SAE1: variants seen among roughly 807,000 people sequenced by gnomAD.
SAE1 encodes SUMO-activating enzyme subunit 1.
A neutral mutation model predicts 40.6 loss-of-function variants in SAE1; 11 were observed. The ratio of observed to expected loss-of-function variants is 0.27; its 90% CI spans 0.17 to 0.45. The LOEUF is 0.45. Ranked by LOEUF, SAE1 falls within the 20% of genes least tolerant of loss-of-function variation. The pLI, the probability that SAE1 is intolerant of heterozygous loss-of-function variation, is 1.00. For missense variants in SAE1, 373 were observed against 427.3 expected, an observed-to-expected ratio of 0.87 and a Z score of 1.12; for synonymous variants, 155 against 154.3, an observed-to-expected ratio of 1.00 and a Z score of -0.03.
At chr19:47,151,691 T>G (rs2123210297) in intron 3 of SAE1, among the ~76,000 whole-genome samples, 1 of 152,336 alleles carries the variant, frequency 6.6e-6, no homozygotes, top group African/African-American at 2.4e-5. Flanking sequence ...TTTTTCCTAG[T>G]CCCTTCTATT....
chr19:47,197,068 C>T (rs543709554), intron 6 of SAE1, among the ~76,000 whole-genome samples, 165 bp from the exon 7 acceptor site: 1 of 151,896 alleles, frequency 6.6e-6, no homozygotes, highest in South Asian at 2.1e-4. Context: ...GTAGTCCTAG[C>T]TACTCAGGAG....
chr19:47,165,250 C>T (rs557311020), intron 5 of SAE1, among the ~76,000 whole-genome samples: 163 of 150,964 alleles, frequency 1.1e-3, no homozygotes, highest in Middle Eastern at 6.8e-3. Context: ...CCACCATGTC[C>T]GGCTAATTTT....
At chr19:47,192,527 A>T (rs2058585626) in intron 6 of SAE1, among the ~76,000 whole-genome samples, 1 of 150,930 alleles carries the variant, frequency 6.6e-6, no homozygotes, top group African/African-American at 2.4e-5. Context: ...GATTACAGGC[A>T]TCAGCCACCA....
chr19:47,145,128 G>C (rs564228738), intron 2 of SAE1, among the ~76,000 whole-genome samples: 47 of 151,512 alleles, frequency 3.1e-4, no homozygotes, highest in Admixed American at 2.6e-3. Flanking sequence ...TCAATCTCCC[G>C]AGTAGCTGGG....
At chr19:47,139,533 G>A (rs2058204613) in intron 1 of SAE1, among the ~76,000 whole-genome samples, 1 of 151,788 alleles carries the variant, frequency 6.6e-6, no homozygotes, top group African/African-American at 2.4e-5. Flanking sequence ...GACTAGAGTG[G>A]TGTTTGTGGA....
Position 47,210,410 on chromosome 19 carries a change from A to C in SAE1, c.*1159A>C, listed in dbSNP as rs2058708006. 1 of 152,176 alleles carries C rather than the reference A, an allele frequency of 6.6e-6. No individual in the cohort carries two copies. The highest frequency in any genetic ancestry group is 2.4e-5 in the African/African-American group (1 of 41,448). The allele number at this position is 152,176 out of a possible 1,614,324, so 9.4% of individuals were successfully genotyped here. On this transcript the variant is annotated 3_prime_UTR_variant, in exon 9 of 9. Transcript: ENST00000270225. ...AGTTGTCTAATGGATAATTCAGCTA[A>C]ATAGTGGCTATTTTCAGTGGCAAGA...
At chr19:47,185,130 A>G (rs1241598143) in intron 6 of SAE1, among the ~76,000 whole-genome samples, 6 of 152,080 alleles carry the variant, frequency 3.9e-5, no homozygotes, top group African/African-American at 1.4e-4. Context: ...CGGCCATTAT[A>G]TGCTTTTTAA....
At chr19:47,143,934 A>C (rs1451955886) in intron 2 of SAE1, among the ~76,000 whole-genome samples, 2 of 152,168 alleles carry the variant, frequency 1.3e-5, no homozygotes, top group Admixed American at 6.6e-5. Context: ...GACCTGAGTG[A>C]CTAACTGAAA....
intron 5 of SAE1, among the ~76,000 whole-genome samples, chr19:47,169,483 T>C (rs1349172293): frequency 1.3e-5 from 2 of 152,156 alleles, no homozygotes; most frequent in African/African-American, 2.4e-5. Flanking sequence ...TGACCTCATG[T>C]GATCCGCCTG....
intron 5 of SAE1, among the ~76,000 whole-genome samples, chr19:47,155,675 C>G (rs985881018): frequency 2.0e-5 from 3 of 151,472 alleles, no homozygotes; most frequent in African/African-American, 7.3e-5. Context: ...CTCCTGACCT[C>G]AGGTGATCCA....
intron 3 of SAE1, among the ~76,000 whole-genome samples, chr19:47,152,555 G>T (rs1484225083): frequency 1.3e-5 from 2 of 152,200 alleles, no homozygotes; most frequent in African/African-American, 4.8e-5. Flanking sequence ...AGATTTAGCA[G>T]TATAGAAACA....
chr19:47,158,815 G>A (rs1479649777), intron 5 of SAE1, among the ~76,000 whole-genome samples: 2 of 152,212 alleles, frequency 1.3e-5, no homozygotes, highest in Non-Finnish European at 2.9e-5. Context: ...CACAGCTGTG[G>A]AAGAAGGGGC....
At chr19:47,169,021 TC>T (rs2058414263) in intron 5 of SAE1, among the ~76,000 whole-genome samples, 1 of 152,240 alleles carries the variant, frequency 6.6e-6, no homozygotes, top group Non-Finnish European at 1.5e-5. Context: ...CAAATGCTGT[TC>T]CTGTTTCCAC....
rs535899507 is a variant in SAE1 at position 47,205,119 on chromosome 19, C to T, written c.948+1379C>T. On this transcript the variant is annotated intron_variant, in intron 8 of 8. Coordinates refer to ENST00000270225, the MANE Select transcript of SAE1 (RefSeq NM_005500.3). ...CCTTTTGCAGGTTCTTGGCTGCCTT[C>T]GTGGACTCCGGTGAGGCTTTTTCCT... 4.4e-4 allele frequency among the ~76,000 whole-genome samples: 67 copies of T among 152,264 alleles called. 1 individual carries two copies. In the South Asian group the frequency reaches 0.012, roughly 28 times the overall value.
intron 3 of SAE1, among the ~76,000 whole-genome samples, chr19:47,151,670 G>C (rs1006844441): frequency 6.6e-6 from 1 of 152,110 alleles, no homozygotes; most frequent in Admixed American, 6.6e-5. Flanking sequence ...CTGTGCATTT[G>C]TCCTGTTTTC....
At chr19:47,168,750 C>A (rs1331966754) in intron 5 of SAE1, among the ~76,000 whole-genome samples, 4 of 151,962 alleles carry the variant, frequency 2.6e-5, no homozygotes, top group Admixed American at 2.0e-4. Context: ...ATTACAGGTG[C>A]CTGCCACCAC....
rs200503279 is a variant in SAE1 at position 47,140,153 on chromosome 19, A to G, written c.99-3341A>G. ...ACAGACCCTTGTTCTGTTGCCCAGG[A>G]TGGAATGCAGTGGCGCCATCTCGGC... On this transcript the variant is annotated intron_variant, in intron 1 of 8. Coordinates refer to ENST00000270225, the MANE Select transcript of SAE1 (RefSeq NM_005500.3). Among the ~76,000 whole-genome samples the G allele has an allele frequency of 2.3e-4, 28 of 121,232 alleles. No individual in the cohort carries two copies. The East Asian group carries it at 5.3e-3, about 23-fold the overall frequency. 79.5% of individuals were successfully genotyped at this position (121,232 alleles called of 152,430 possible).
Position 47,197,349 on chromosome 19 carries a change from C to T in SAE1, c.850C>T (p.Pro284Ser). The change falls in exon 7 of 9, where the codon CCT becomes TCT. Residue 284 changes from proline (P) to serine (S), a missense_variant. Around this residue, in one of 3 missense-constraint regions of SAE1, gnomAD observed 351 missense variants for 390.6 expected, o/e 0.90. Coordinates refer to ENST00000270225, the MANE Select transcript of SAE1 (RefSeq NM_005500.3). ...NDVLDSLGIS[P>S]DLLPEDFVRY... ...TGTGCTTGACTCACTGGGTATTAGT[C>T]CTGACCTGCTTCCTGAGGACTTTGT... The T allele has an allele frequency of 1.2e-6, 2 of 1,613,668 alleles. No homozygotes were observed.
intron 6 of SAE1, among the ~76,000 whole-genome samples, chr19:47,190,510 G>A (rs1004028756): frequency 1.4e-4 from 21 of 152,116 alleles, no homozygotes; most frequent in Admixed American, 5.2e-4. Flanking sequence ...TCTGACCTTC[G>A]AGAAAGAGTG....
Sources: gnomAD v4.1 joint callset for allele counts (sites outside exome capture counted in the v4.1 genomes callset) on GRCh38, gnomAD v4.1.1 for gene constraint, gnomAD v4.1.1 regional missense constraint, MANE v1.5 for transcripts, NCBI Gene and HGNC (gene_info 2026-07-23, HGNC 2026-07-21) for gene names.